CCZ1: variants seen among roughly 807,000 people sequenced by gnomAD.
CCZ1 encodes vacuolar fusion protein CCZ1 homolog.
In CCZ1, 19 loss-of-function variants were observed where a neutral mutation model predicts 57.8. That is an observed-to-expected ratio of 0.33 (90% CI 0.23 to 0.48). CCZ1 has a LOEUF of 0.48. Among genes scored for constraint, CCZ1 ranks in the 20% least tolerant of loss-of-function variants. The probability of loss-of-function intolerance (pLI) is 0.99; values close to 1 mark genes in which losing one functional copy is unlikely to be tolerated. For synonymous variants in CCZ1, 81 were observed against 167.0 expected, an observed-to-expected ratio of 0.49 and a Z score of 3.97; for missense variants, 200 against 492.0, an observed-to-expected ratio of 0.41 and a Z score of 5.61.
intron 10 of CCZ1, 119 bp downstream of exon 10, chr7:5,913,073 T>G (rs1188110585): frequency 1.4e-6 from 1 of 736,094 alleles, no homozygotes; most frequent in African/African-American, 1.8e-5. Context: ...TTGGAAGTTC[T>G]GATTATGGTA....
At chr7:5,899,379 GTGTGGT>G (rs1241613181) in intron 1 of CCZ1, among the ~76,000 whole-genome samples, 234 of 91,110 alleles carry the variant, frequency 2.6e-3, no homozygotes, top group African/African-American at 7.8e-3. Context: ...GTGTGTGTGT[GTGTGGT>G]TTTTCTGAGG....
At chr7:5,907,950 A>G (rs1271556736) in intron 7 of CCZ1, among the ~76,000 whole-genome samples, 2 of 146,042 alleles carry the variant, frequency 1.4e-5, no homozygotes, top group African/African-American at 5.1e-5. Flanking sequence ...GAAAAAAAAA[A>G]AAATAGCTGG....
intron 12 of CCZ1, 22 bp downstream of exon 12, chr7:5,919,988 C>G: frequency 2.6e-6 from 4 of 1,557,644 alleles, no homozygotes; most frequent in East Asian, 4.6e-5. Context: ...GCTTTCGGTT[C>G]ACTTTCAGGC....
In CCZ1 at chr7:5,925,668, A is replaced by C. The variant is rs564562260; in HGVS notation, c.1430A>C (p.Asn477Thr). 6.2e-7 allele frequency: 1 copy of C among 1,607,548 alleles called. No individual in the cohort carries two copies. The highest frequency in any genetic ancestry group is 1.7e-5 in the Admixed American group (1 of 59,320). The change falls in exon 15 of 15, where the codon AAC (asparagine) becomes ACC (threonine). Residue 477 changes from asparagine (N) to threonine (T), a missense_variant. Asn to Thr is a moderately conservative substitution (Grantham distance 65). This residue lies in a region of CCZ1 where 13 missense variants were observed against 148.1 expected (regional missense o/e 0.09). Transcript: ENST00000325974. Reference protein sequence around the residue: ...VKKLCATQFNNIFFLD With the variant: ...VKKLCATQFNTIFFLD Reference sequence around the variant, plus strand: ...AAACTTTGTGCAACGCAGTTCAACAACATCTTCTTCTTGGATTGACGGATG... The same window carrying C: ...AAACTTTGTGCAACGCAGTTCAACACCATCTTCTTCTTGGATTGACGGATG...
At chr7:5,907,598 G>A (rs1433849639) in intron 7 of CCZ1, among the ~76,000 whole-genome samples, 1 of 146,332 alleles carries the variant, frequency 6.8e-6, no homozygotes, top group East Asian at 2.3e-4. Context: ...TGGAGCCAGA[G>A]TGACCAGCAG....
Position 5,916,579 on chromosome 7 carries a change from C to T in CCZ1, c.955-2288C>T, listed in dbSNP as rs558138035. Reference sequence around the variant, plus strand: ...GTGTGAGCTTCCGGCTGTCCTCTCCCGTTGGGGTCATGTGGACAGCCCAGT... The same window carrying T: ...GTGTGAGCTTCCGGCTGTCCTCTCCTGTTGGGGTCATGTGGACAGCCCAGT... On this transcript the variant is annotated intron_variant, in intron 10 of 14. Coordinates refer to ENST00000325974, the MANE Select transcript of CCZ1 (RefSeq NM_015622.6). Among the ~76,000 whole-genome samples, 5 of 144,172 alleles carry T rather than the reference C, an allele frequency of 3.5e-5. No individual in the cohort carries two copies. The South Asian group carries it at 8.4e-4, about 24-fold the overall frequency. 94.6% of individuals were successfully genotyped at this position (144,172 alleles called of 152,430 possible).
chr7:5,923,190 G>A (rs375146772), intron 12 of CCZ1, among the ~76,000 whole-genome samples, 197 bp from the exon 13 acceptor site: 8,600 of 80,892 alleles, frequency 0.11, 453 homozygotes, highest in East Asian at 0.35. Flanking sequence ...GGTGGCGGGC[G>A]CCTGTAATCC....
chr7:5,924,447 A>C (rs535803449), intron 14 of CCZ1, among the ~76,000 whole-genome samples: 2 of 91,344 alleles, frequency 2.2e-5, no homozygotes, highest in East Asian at 4.5e-4. Flanking sequence ...GCTCTGTCGC[A>C]CAGGCTGGGC....
In CCZ1 at chr7:5,926,225, T is replaced by TC; in HGVS notation, c.*540dup. 1.8e-6 allele frequency: 1 copy of TC among 563,072 alleles called. No homozygotes were observed. The highest frequency in any genetic ancestry group is 3.2e-6 in the Non-Finnish European group (1 of 316,772). The allele number at this position is 563,072 out of a possible 1,614,324, so 34.9% of individuals were successfully genotyped here. On this transcript the variant is annotated 3_prime_UTR_variant, in exon 15 of 15. Coordinates refer to ENST00000325974, the MANE Select transcript of CCZ1 (RefSeq NM_015622.6). Reference sequence around the variant, plus strand: ...CCAGGCTGGTCTCGAACTCCCGTAATCCAGCCATGTAGGAAACCTGAGATG... The same window carrying TC: ...CCAGGCTGGTCTCGAACTCCCGTAATCCCAGCCATGTAGGAAACCTGAGATG...
At chr7:5,899,897 C>G (rs540525309) in intron 1 of CCZ1, among the ~76,000 whole-genome samples, 1 of 147,710 alleles carries the variant, frequency 6.8e-6, no homozygotes, top group Non-Finnish European at 1.5e-5. Context: ...CAAATTAGCA[C>G]TAGGAAAGAA....
chr7:5,914,651 G>C (rs1369472298), intron 10 of CCZ1, among the ~76,000 whole-genome samples: 1 of 148,258 alleles, frequency 6.7e-6, no homozygotes, highest in Non-Finnish European at 1.5e-5. Context: ...AAGGTGGGCG[G>C]ATCACCTGAG....
intron 7 of CCZ1, among the ~76,000 whole-genome samples, chr7:5,905,779 T>TTTTTTTTTTTTTTTTTTTTTTGAG (rs1781798064): frequency 1.1e-4 from 2 of 18,132 alleles, no homozygotes; most frequent in African/African-American, 4.4e-4. Context: ...AGACTCTGTC[T>TTTTTTTTTTTTTTTTTTTTTTGAG]CCAAAAAAAA....
At chr7:5,910,693 T>A (rs1781950253) in intron 8 of CCZ1, among the ~76,000 whole-genome samples, 1 of 32,894 alleles carries the variant, frequency 3.0e-5, no homozygotes, top group South Asian at 1.9e-3. Context: ...TTACTTTTAA[T>A]TTATGTATTT....
At chr7:5,910,266 C>G in intron 8 of CCZ1, 150 bp downstream of exon 8, 3 of 600,088 alleles carry the variant, frequency 5.0e-6, no homozygotes, top group Non-Finnish European at 8.5e-6. Flanking sequence ...TATCAATTAG[C>G]ACAGAAAACC....
At chr7:5,905,935 G>A (rs1781805524) in intron 7 of CCZ1, among the ~76,000 whole-genome samples, 1 of 135,084 alleles carries the variant, frequency 7.4e-6, no homozygotes, top group South Asian at 2.6e-4. Flanking sequence ...ATAGAGACGG[G>A]GTTTACTGTG....
At chr7:5,906,157 C>T (rs1173736992) in intron 7 of CCZ1, among the ~76,000 whole-genome samples, 12 of 147,534 alleles carry the variant, frequency 8.1e-5, no homozygotes, top group Non-Finnish European at 1.6e-4. Context: ...GTAGGAACAA[C>T]GTGGGCACAA....
intron 1 of CCZ1, among the ~76,000 whole-genome samples, chr7:5,899,778 A>AG (rs1382209825): frequency 2.6e-5 from 4 of 151,952 alleles, no homozygotes; most frequent in Non-Finnish European, 5.9e-5. Context: ...AAAAGAAAAA[A>AG]AAGCAACTTG....
intron 4 of CCZ1, 86 bp from the exon 5 acceptor site, chr7:5,901,571 C>T: frequency 2.0e-6 from 3 of 1,509,368 alleles, no homozygotes; most frequent in Non-Finnish European, 2.7e-6. Flanking sequence ...ACTGTTTGGC[C>T]AAGAGTTAGT....
At chr7:5,916,493 G>C (rs1397892565) in intron 10 of CCZ1, among the ~76,000 whole-genome samples, 1 of 31,158 alleles carries the variant, frequency 3.2e-5, no homozygotes, top group Admixed American at 3.4e-4. Flanking sequence ...TTGGGTTTTT[G>C]TTTTGTTTTT....
Sources: gnomAD v4.1 joint callset for allele counts (sites outside exome capture counted in the v4.1 genomes callset) on GRCh38, gnomAD v4.1.1 for gene constraint, gnomAD v4.1.1 regional missense constraint, MANE v1.5 for transcripts, NCBI Gene and HGNC (gene_info 2026-07-23, HGNC 2026-07-21) for gene names.